Variants in AATF observed in about 807,000 individuals in gnomAD.
AATF encodes the protein apoptosis antagonizing transcription factor, also known as protein AATF.
A neutral mutation model predicts 63.7 loss-of-function variants in AATF; 48 were observed. That is an observed-to-expected ratio of 0.75 (90% CI 0.60 to 0.96). The LOEUF (loss-of-function observed/expected upper bound fraction) is 0.96. Ranked by LOEUF, AATF falls within the 40% of genes least tolerant of loss-of-function variation. The pLI is 0.00. For missense variants in AATF, 639 were observed against 685.7 expected (o/e 0.93, Z 0.76); for synonymous variants, 258 against 247.7 (o/e 1.04, Z -0.39).
At chr17:37,046,732 CA>C (rs1239082659) in intron 11 of AATF, among the ~76,000 whole-genome samples, 7 of 75,622 alleles carry the variant, frequency 9.3e-5, no homozygotes, top group African/African-American at 4.8e-4. Context: ...GCTCCCCCAA[CA>C]CACACACACA....
chr17:36,949,908 G>C lies in AATF; in HGVS notation c.92-306G>C, dbSNP rs1014655323. On this transcript the variant is annotated intron_variant, in intron 1 of 11. Transcript: ENST00000619387. ...CCCCAAAGAATGGGACAGAGTGAGG[G>C]GAGAACGTGATGACTGATTTAAGAT... Among the ~76,000 whole-genome samples the C allele has an allele frequency of 3.3e-5, 5 of 152,216 alleles. 1 individual carries two copies. In the East Asian group the frequency reaches 7.7e-4, roughly 23 times the overall value.
intron 11 of AATF, among the ~76,000 whole-genome samples, chr17:37,044,177 C>G (rs2071668920): frequency 6.6e-6 from 1 of 152,138 alleles, no homozygotes. Flanking sequence ...GAAATCTCTC[C>G]AAATCATCTC....
intron 8 of AATF, among the ~76,000 whole-genome samples, chr17:37,007,751 T>C (rs2071353361): frequency 6.6e-6 from 1 of 152,194 alleles, no homozygotes; most frequent in Non-Finnish European, 1.5e-5. Context: ...GCATTTGATC[T>C]GGGCTTTCAA....
chr17:36,966,969 T>C (rs2070996411), intron 4 of AATF, among the ~76,000 whole-genome samples: 1 of 152,364 alleles, frequency 6.6e-6, no homozygotes, highest in East Asian at 1.9e-4. Flanking sequence ...AAGCTTGTTA[T>C]GAAAACCAGT....
At chr17:37,004,248 T>A (rs2071324572) in intron 8 of AATF, among the ~76,000 whole-genome samples, 2 of 152,086 alleles carry the variant, frequency 1.3e-5, no homozygotes, top group Non-Finnish European at 2.9e-5. Flanking sequence ...GGAGAATTGC[T>A]TGAATTCAGG....
chr17:37,011,894 G>A (rs903116811), intron 8 of AATF, among the ~76,000 whole-genome samples: 5 of 152,168 alleles, frequency 3.3e-5, no homozygotes, highest in Non-Finnish European at 7.3e-5. Context: ...GGGCAATGTG[G>A]AGTGGGAACA....
intron 8 of AATF, among the ~76,000 whole-genome samples, chr17:37,014,660 A>G (rs759556859): frequency 4.6e-5 from 7 of 152,102 alleles, no homozygotes; most frequent in African/African-American, 9.7e-5. Flanking sequence ...TATTCATTGC[A>G]CTAGGTCTTT....
At chr17:37,046,548 T>C (rs987242853) in intron 11 of AATF, among the ~76,000 whole-genome samples, 1 of 152,134 alleles carries the variant, frequency 6.6e-6, no homozygotes, top group Non-Finnish European at 1.5e-5. Context: ...GCTCACTTAC[T>C]AGTTACTTCT....
intron 4 of AATF, among the ~76,000 whole-genome samples, chr17:36,971,579 T>C (rs1330138855): frequency 6.6e-6 from 1 of 152,198 alleles, no homozygotes; most frequent in African/African-American, 2.4e-5. Flanking sequence ...GTCTTAGATA[T>C]CTGCCCTAGA....
At chr17:36,966,406 A>G (rs1235565399) in intron 4 of AATF, among the ~76,000 whole-genome samples, 4 of 151,970 alleles carry the variant, frequency 2.6e-5, no homozygotes, top group African/African-American at 9.7e-5. Context: ...CTGGGACTAC[A>G]TGTGTGTGCC....
At position 37,035,928 on chromosome 17, in the gene AATF, A is replaced by AT. The variant is rs57320597; in HGVS notation, c.1619+4253dup. Among the ~76,000 whole-genome samples the AT allele has an allele frequency of 1.9e-3, 281 of 150,080 alleles. 1 individual carries two copies. Among genetic ancestry groups the AT allele is most frequent in the African/African-American group, 5.7e-3 (235 of 40,948 alleles). The stretch of plus-strand genomic sequence containing the variant: ...AGTAAAATCATTCAATGAATTTATT[A>AT]TTTTTTTTTTCTTGAGACAGGGTCT... On this transcript the variant is annotated intron_variant, in intron 11 of 11. Coordinates refer to ENST00000619387, the MANE Select transcript of AATF (RefSeq NM_012138.4).
chr17:37,053,820 T>G (rs1020995490), intron 11 of AATF, among the ~76,000 whole-genome samples: 10 of 152,024 alleles, frequency 6.6e-5, no homozygotes, highest in Non-Finnish European at 1.3e-4. Flanking sequence ...GAGCCGAGAT[T>G]GCGCCACTGC....
In AATF at chr17:36,984,908, T is replaced by G. The variant is rs570946590; in HGVS notation, c.833-1709T>G. ...CCGTCCTGGCCTCCCACAGTTTTTTTTTTTTTTTTTTGAGACAGAGTCTCA... is the reference window on the plus strand; with the variant it reads ...CCGTCCTGGCCTCCCACAGTTTTTTGTTTTTTTTTTTGAGACAGAGTCTCA... On this transcript the variant is annotated intron_variant, in intron 4 of 11. Transcript: ENST00000619387. 1.3e-4 allele frequency among the ~76,000 whole-genome samples: 20 copies of G among 150,736 alleles called. No homozygotes were observed. In the East Asian group the frequency reaches 3.3e-3, roughly 25 times the overall value.
chr17:37,053,898 C>T (rs939963586), intron 11 of AATF, among the ~76,000 whole-genome samples: 1 of 152,130 alleles, frequency 6.6e-6, no homozygotes, highest in East Asian at 1.9e-4. Context: ...CTTGAATGAA[C>T]GATGAGTATC....
intron 4 of AATF, among the ~76,000 whole-genome samples, chr17:36,985,778 T>A (rs2071164116): frequency 6.6e-6 from 1 of 151,994 alleles, no homozygotes; most frequent in Non-Finnish European, 1.5e-5. Context: ...CTCAAACTCC[T>A]GACCTTGTGA....
intron 8 of AATF, among the ~76,000 whole-genome samples, chr17:37,012,402 G>A (rs1418173522): frequency 6.6e-6 from 1 of 152,168 alleles, no homozygotes; most frequent in Admixed American, 6.5e-5. Flanking sequence ...AAAAAAGGAG[G>A]TAAGGCAGGA....
intron 8 of AATF, among the ~76,000 whole-genome samples, chr17:36,993,720 C>A (rs1341283753): frequency 6.6e-6 from 1 of 151,920 alleles, no homozygotes; most frequent in Non-Finnish European, 1.5e-5. Context: ...TTTTTAAAAC[C>A]ATACTTGAAG....
At chr17:37,022,113 CGT>C (rs71159679) in intron 10 of AATF, among the ~76,000 whole-genome samples, 57,182 of 145,200 alleles carry the variant, frequency 0.39, 11,999 homozygotes, top group East Asian at 0.66. Flanking sequence ...TGGTAACTGC[CGT>C]GTGTGTGTGT....
chr17:37,041,045 T>C (rs1193751470), intron 11 of AATF, among the ~76,000 whole-genome samples: 2 of 152,204 alleles, frequency 1.3e-5, no homozygotes, highest in Non-Finnish European at 2.9e-5. Context: ...GGAAGAAAAT[T>C]TGAAAAATAT....
Sources: allele counts gnomAD v4.1 joint callset (sites outside exome capture counted in the v4.1 genomes callset), GRCh38; gene constraint gnomAD v4.1.1; transcripts MANE v1.5; gene names NCBI Gene and HGNC (gene_info 2026-07-23, HGNC 2026-07-21).